The following TRPM6 variants were observed in gnomAD, a reference collection of about 807,000 sequenced individuals.
TRPM6 encodes channel kinase 2.
TRPM6 carries 111 observed loss-of-function variants against 247.6 expected under a neutral mutation model. The ratio of observed to expected loss-of-function variants is 0.45; its 90% confidence interval spans 0.38 to 0.52. TRPM6 has a LOEUF of 0.52. Among genes scored for constraint, TRPM6 ranks in the 20% least tolerant of loss-of-function variants. The pLI, the probability that TRPM6 is intolerant of heterozygous loss-of-function variation, is 0.00. For missense variants in TRPM6, 2,126 were observed against 2,421.5 expected (o/e 0.88, Z 2.56); for synonymous variants, 892 against 853.8 (o/e 1.04, Z -0.78).
intron 1 of TRPM6, among the ~76,000 whole-genome samples, chr9:74,866,814 T>C (rs1394366886): frequency 6.6e-6 from 1 of 152,144 alleles, no homozygotes; most frequent in African/African-American, 2.4e-5. Flanking sequence ...GCAGCAGTTC[T>C]GAAACTTCTT....
rs200724937 is a variant in TRPM6, at chr9:74,762,945, C to T, written c.3726G>A (p.Lys1242=). The T allele has an allele frequency of 1.1e-4, 170 of 1,606,832 alleles. No homozygotes were observed. The Middle Eastern group carries it at 1.7e-3, about 16-fold the overall frequency. ...QEDEALLAKR[K]HSTCKKLPHS... is the part of the protein sequence containing the mutation. Reference sequence around the variant, plus strand: ...GGGGAAGTTTTTTGCAAGTAGAATGCTTTCTCTTGGCCAGGAGAGCCTCAT... The same window carrying T: ...GGGGAAGTTTTTTGCAAGTAGAATGTTTTCTCTTGGCCAGGAGAGCCTCAT... Residue 1242 remains lysine (K), a synonymous_variant, in exon 26 of 39, where the codon AAG becomes AAA. Coordinates refer to ENST00000360774, the MANE Select transcript of TRPM6 (RefSeq NM_017662.5).
At chr9:74,836,000 A>G (rs972833997) in intron 5 of TRPM6, among the ~76,000 whole-genome samples, 2 of 152,166 alleles carry the variant, frequency 1.3e-5, no homozygotes, top group Non-Finnish European at 2.9e-5. Flanking sequence ...CACAGTTTAC[A>G]TCAGTTTACA....
At chr9:74,805,274 C>T (rs1024717479) in intron 14 of TRPM6, among the ~76,000 whole-genome samples, 2 of 152,150 alleles carry the variant, frequency 1.3e-5, no homozygotes, top group Non-Finnish European at 2.9e-5. Flanking sequence ...TTTCACCTTG[C>T]TATTGATTTG....
intron 1 of TRPM6, among the ~76,000 whole-genome samples, chr9:74,879,486 G>A (rs1294489380): frequency 3.3e-5 from 5 of 152,052 alleles, no homozygotes; most frequent in Non-Finnish European, 7.4e-5. Flanking sequence ...GGCCTCAGGG[G>A]AAGTTCTGAG....
Position 74,792,680 on chromosome 9 carries a change from T to A in TRPM6, c.2482A>T (p.Thr828Ser). 2 of 1,614,112 alleles carry A rather than the reference T, an allele frequency of 1.2e-6. No individual in the cohort carries two copies. Among genetic ancestry groups the A allele is most frequent in the South Asian group, 1.1e-5 (1 of 91,072 alleles). The change falls in exon 19 of 39, where the codon ACC becomes TCC. Residue 828 changes from threonine to serine, a missense_variant. This residue lies in a region of TRPM6 where 1,082 missense variants were observed against 1,307.9 expected (regional missense o/e 0.83). Coordinates refer to ENST00000360774, the MANE Select transcript of TRPM6 (RefSeq NM_017662.5). The stretch of plus-strand genomic sequence containing the variant: ...CTGTAGAACTCATAGACTTTCCTGG[T>A]CCACGGAAGGTGTTGGTGCCCACTT... Reference protein sequence around the residue: ...LESGHQHLPWTRKVYEFYSAP... With the variant: ...LESGHQHLPWSRKVYEFYSAP...
Position 74,724,534 on chromosome 9 carries a change from CATCACGTTG to C in TRPM6, c.*70_*78del, listed in dbSNP as rs1332888918. 1.2e-6 allele frequency: 2 copies of C among 1,604,330 alleles called. No individual in the cohort carries two copies. Among genetic ancestry groups the C allele is most frequent in the African/African-American group, 2.7e-5 (2 of 74,710 alleles). On this transcript the variant is annotated 3_prime_UTR_variant, in exon 39 of 39. Coordinates refer to ENST00000360774, the MANE Select transcript of TRPM6 (RefSeq NM_017662.5). ...CCCAAGGAGACGCTGATGTAATCAA[CATCACGTTG>C]ATCAATCTATGTTATCACAGAGTTC...
chr9:74,803,350 CATA>C (rs1828412360), intron 15 of TRPM6, among the ~76,000 whole-genome samples: 1 of 151,498 alleles, frequency 6.6e-6, no homozygotes, highest in Non-Finnish European at 1.5e-5. Flanking sequence ...ATATTAGATT[CATA>C]ATAATTTCAA....
At chr9:74,735,078 G>T (rs74764852) in intron 36 of TRPM6, among the ~76,000 whole-genome samples, 550 of 152,174 alleles carry the variant, frequency 3.6e-3, no homozygotes, top group African/African-American at 0.013. Context: ...AAATTAGCCA[G>T]GTGTGGTGGC....
chr9:74,860,979 T>A (rs973829496), intron 1 of TRPM6, among the ~76,000 whole-genome samples: 1 of 152,042 alleles, frequency 6.6e-6, no homozygotes, highest in African/African-American at 2.4e-5. Flanking sequence ...GCCATGATTG[T>A]GCCACTGCAC....
intron 20 of TRPM6, among the ~76,000 whole-genome samples, chr9:74,787,937 G>A (rs575518220): frequency 5.3e-5 from 8 of 152,012 alleles, no homozygotes; most frequent in South Asian, 4.1e-4. Context: ...AGATGGTCTC[G>A]ATCTCCTGAC....
chr9:74,823,925 T>C (rs1469646548), intron 7 of TRPM6, among the ~76,000 whole-genome samples: 1 of 152,134 alleles, frequency 6.6e-6, no homozygotes, highest in Non-Finnish European at 1.5e-5. Context: ...TGTGTGTGTG[T>C]GTGCGTCTGC....
Position 74,775,960 on chromosome 9 carries a change from C to T in TRPM6, c.3326G>A (p.Ser1109Asn), listed in dbSNP as rs1827204669. The change falls in exon 24 of 39, where the codon AGC becomes AAC. Residue 1109 changes from serine (S) to asparagine (N), a missense_variant. Physicochemically the swap from Ser to Asn is conservative, Grantham distance 46. Coordinates refer to ENST00000360774, the MANE Select transcript of TRPM6 (RefSeq NM_017662.5). The stretch of plus-strand genomic sequence containing the variant: ...GCGGCGGAGGAGAAGGCCCACGTGG[C>T]TCAGCAGGATGAGAGGTGGGGGCAG... Reference protein sequence around the residue: ...PWLPPPLILLSHVGLLLRRLC... With the variant: ...PWLPPPLILLNHVGLLLRRLC... 2 of 1,614,006 alleles carry T rather than the reference C, an allele frequency of 1.2e-6. No homozygotes were observed. The highest frequency in any genetic ancestry group is 8.5e-7 in the Non-Finnish European group (1 of 1,180,024).
In TRPM6 at chr9:74,812,446, C is replaced by T. The variant is rs370901843; in HGVS notation, c.1309-13G>A. The T allele has an allele frequency of 6.2e-7, 1 of 1,607,494 alleles. No individual in the cohort carries two copies. Among genetic ancestry groups the T allele is most frequent in the East Asian group, 2.2e-5 (1 of 44,626 alleles). Reference sequence around the variant, plus strand: ...CCAGGGCATCAGGCTTCAGAAAGCACAAATAAGAAATATAAAGACAATTAA... The same window carrying T: ...CCAGGGCATCAGGCTTCAGAAAGCATAAATAAGAAATATAAAGACAATTAA... On this transcript the variant is annotated splice_polypyrimidine_tract_variant and intron_variant, in intron 11 of 38. Coordinates refer to ENST00000360774, the MANE Select transcript of TRPM6 (RefSeq NM_017662.5).
intron 23 of TRPM6, among the ~76,000 whole-genome samples, chr9:74,779,799 G>A (rs1463413406): frequency 2.0e-5 from 3 of 152,316 alleles, no homozygotes; most frequent in East Asian, 1.9e-4. Context: ...AAGTGCAAAG[G>A]CACCTGTATG....
chr9:74,881,728 T>C (rs921472999), intron 1 of TRPM6, among the ~76,000 whole-genome samples: 1 of 152,134 alleles, frequency 6.6e-6, no homozygotes, highest in Non-Finnish European at 1.5e-5. Context: ...AATCATATCA[T>C]GTATCTTCTC....
intron 1 of TRPM6, among the ~76,000 whole-genome samples, chr9:74,871,463 T>C (rs1370006052): frequency 3.3e-5 from 5 of 152,208 alleles, no homozygotes; most frequent in African/African-American, 7.2e-5. Flanking sequence ...ACCTTATATA[T>C]AGAATTGCTT....
chr9:74,860,424 T>C (rs1246264855), intron 1 of TRPM6, among the ~76,000 whole-genome samples: 3 of 152,138 alleles, frequency 2.0e-5, no homozygotes, highest in African/African-American at 4.8e-5. Flanking sequence ...TCTGGCGCAA[T>C]CTCGGCTCAC....
chr9:74,733,244 C>T (rs1825585204), intron 36 of TRPM6, among the ~76,000 whole-genome samples: 1 of 151,022 alleles, frequency 6.6e-6, no homozygotes, highest in Non-Finnish European at 1.5e-5. Flanking sequence ...GTACTTGTAC[C>T]CCCAAATATA....
At chr9:74,878,161 C>T (rs1466487055) in intron 1 of TRPM6, among the ~76,000 whole-genome samples, 3 of 152,116 alleles carry the variant, frequency 2.0e-5, no homozygotes, top group South Asian at 2.1e-4. Flanking sequence ...AATTTCAACA[C>T]CAGCATGGAT....
Sources: allele counts gnomAD v4.1 joint callset (sites outside exome capture counted in the v4.1 genomes callset), GRCh38; gene constraint gnomAD v4.1.1; regional missense constraint gnomAD v4.1.1; transcripts MANE v1.5; gene names NCBI Gene and HGNC (gene_info 2026-07-23, HGNC 2026-07-21).